The following TTC8 variants were observed in gnomAD, a reference collection of about 807,000 sequenced individuals.
TTC8 encodes tetratricopeptide repeat domain 8.
TTC8 carries 47 observed loss-of-function variants against 72.5 expected under a neutral mutation model. The observed-to-expected ratio is 0.65, with a 90% CI of 0.51 to 0.83. The LOEUF (loss-of-function observed/expected upper bound fraction) is 0.83, where lower values mean the gene tolerates loss of function less well. Ranked by LOEUF, TTC8 falls within the 40% of genes least tolerant of loss-of-function variation. The pLI is 0.00. For missense variants in TTC8, 611 were observed against 623.2 expected (o/e 0.98, Z 0.21); for synonymous variants, 199 against 221.4 (o/e 0.90, Z 0.90).
chr14:88,846,220 C>T (rs2094805743), intron 7 of TTC8, among the ~76,000 whole-genome samples: 1 of 151,934 alleles, frequency 6.6e-6, no homozygotes, highest in Admixed American at 6.6e-5. Context: ...GAGCTGTAGT[C>T]CCAGCTACTC....
intron 14 of TTC8, among the ~76,000 whole-genome samples, chr14:88,876,167 CTTAG>C (rs1566862755): frequency 6.6e-6 from 1 of 152,164 alleles, no homozygotes; most frequent in Non-Finnish European, 1.5e-5. Flanking sequence ...TGTGCTACTG[CTTAG>C]TTAGTTAAAC....
chr14:88,879,307 T>G (rs1238449167), downstream of TTC8: 2 of 152,176 alleles, frequency 1.3e-5, no homozygotes, highest in Admixed American at 1.3e-4. Flanking sequence ...TGTGCCAACA[T>G]TTCTGTAGAA....
intron 7 of TTC8, among the ~76,000 whole-genome samples, chr14:88,848,234 T>TAAGCAC (rs911542491): frequency 1.2e-4 from 17 of 142,812 alleles, no homozygotes; most frequent in Middle Eastern, 3.9e-3. Context: ...TGCTGGTAAA[T>TAAGCAC]AAGCACATTA....
chr14:88,852,109 A>C (rs1360286293), intron 7 of TTC8, among the ~76,000 whole-genome samples: 1 of 152,222 alleles, frequency 6.6e-6, no homozygotes, highest in Non-Finnish European at 1.5e-5. Context: ...TATTACAAAA[A>C]ATCAGAATTC....
intron 7 of TTC8, among the ~76,000 whole-genome samples, chr14:88,845,016 T>TA (rs1197664986): frequency 2.6e-5 from 4 of 152,266 alleles, no homozygotes; most frequent in Middle Eastern, 3.4e-3. Flanking sequence ...GTGAAGTTGT[T>TA]ACCAAGTAGG....
chr14:88,873,659 C>T (rs900465941), intron 13 of TTC8, among the ~76,000 whole-genome samples: 7 of 152,118 alleles, frequency 4.6e-5, no homozygotes, highest in African/African-American at 1.7e-4. Flanking sequence ...TTAGATCATG[C>T]ACTTGGCATA....
chr14:88,861,308 C>T lies in TTC8; in HGVS notation c.885C>T (p.Leu295=), dbSNP rs1052480994. ...AGTTTCCAGGAGAAGTAACCCTGCT[C>T]TGTGGAATTGCAAGAATCTATGAGG... ...LDKFPGEVTL[L]CGIARIYEEM... Residue 295 remains leucine, a synonymous_variant, in exon 10 of 15, where the codon CTC becomes CTT. Coordinates refer to ENST00000380656, the MANE Select transcript of TTC8 (RefSeq NM_144596.4). 6.2e-7 allele frequency: 1 copy of T among 1,611,296 alleles called. No homozygotes were observed. The highest frequency in any genetic ancestry group is 1.3e-5 in the African/African-American group (1 of 74,804).
chr14:88,864,768 T>G (rs947296352), intron 10 of TTC8, among the ~76,000 whole-genome samples: 1 of 152,186 alleles, frequency 6.6e-6, no homozygotes, highest in South Asian at 2.1e-4. Context: ...CATAGCTAAT[T>G]TCCGTTATGT....
intron 11 of TTC8, among the ~76,000 whole-genome samples, chr14:88,870,416 C>A (rs1459236987): frequency 6.6e-6 from 1 of 152,208 alleles, no homozygotes; most frequent in African/African-American, 2.4e-5. Flanking sequence ...GGACAACTGA[C>A]TGAGTTTTAA....
At chr14:88,876,111 G>T (rs143134944) in intron 14 of TTC8, among the ~76,000 whole-genome samples, 37 of 152,298 alleles carry the variant, frequency 2.4e-4, no homozygotes, top group Non-Finnish European at 4.3e-4. Context: ...GCAGATTTCA[G>T]ATTCACACCC....
In TTC8 at chr14:88,833,720, C is replaced by G. The variant is rs769590117; in HGVS notation, c.142C>G (p.Gln48Glu). 1.9e-6 allele frequency: 3 copies of G among 1,613,328 alleles called. No individual in the cohort carries two copies. Among genetic ancestry groups the G allele is most frequent in the Non-Finnish European group, 2.5e-6 (3 of 1,179,576 alleles). Residue 48 changes from glutamine (Q) to glutamate (E), a missense_variant and splice_region_variant, in exon 2 of 15, where the codon CAG becomes GAG. Physicochemically the swap from Gln to Glu is conservative, Grantham distance 29. Transcript: ENST00000380656. ...ACCAGATCCTGAATTGCCAGTGCAT[C>G]AGGTAAAGAAAGGTTTAGCTGCAAC... ...QEPDPELPVH[Q>E]AAWILKARAL...
chr14:88,828,153 A>G (rs1164430783), intron 1 of TTC8, among the ~76,000 whole-genome samples: 1 of 152,060 alleles, frequency 6.6e-6, no homozygotes, highest in Non-Finnish European at 1.5e-5. Flanking sequence ...TAATTTCATT[A>G]TGGGCATTCT....
Position 88,877,475 on chromosome 14 carries a change from C to A in TTC8, c.*65C>A. On this transcript the variant is annotated 3_prime_UTR_variant, in exon 15 of 15. Transcript: ENST00000380656. ...ATGCAAGGGGAAAAAAGCACTATGT[C>A]TGTGTATGTATGTATATAGTGTAAT... 1 of 1,271,006 alleles carries A rather than the reference C, an allele frequency of 7.9e-7. No individual in the cohort carries two copies. Among genetic ancestry groups the A allele is most frequent in the South Asian group, 1.2e-5 (1 of 83,894 alleles). 78.7% of individuals were successfully genotyped at this position (1,271,006 alleles called of 1,614,324 possible). A position where few individuals can be genotyped will look rare whatever the true frequency, so the allele number is the denominator to read the frequency against.
intron 9 of TTC8, among the ~76,000 whole-genome samples, chr14:88,859,954 GTAATA>G (rs1430821511): frequency 1.2e-4 from 15 of 121,044 alleles, no homozygotes; most frequent in East Asian, 1.1e-3. Context: ...ACTATATATA[GTAATA>G]TAATATAAAT....
In TTC8 at chr14:88,855,684, A is replaced by T. The variant is rs72697967; in HGVS notation, c.711-1506A>T. ...GTATCTTTTTATTGTAATCCCTTTT[A>T]AATCATTTTTGGAAAGAAACAAGTT... On this transcript the variant is annotated intron_variant, in intron 8 of 14. Transcript: ENST00000380656. 1.2e-3 allele frequency among the ~76,000 whole-genome samples: 182 copies of T among 152,224 alleles called. 1 individual carries two copies. In the Middle Eastern group the frequency reaches 0.014, roughly 11 times the overall value.
intron 8 of TTC8, among the ~76,000 whole-genome samples, chr14:88,854,246 T>C (rs2094846208): frequency 6.6e-6 from 1 of 152,210 alleles, no homozygotes; most frequent in African/African-American, 2.4e-5. Context: ...AAAGCAAAAC[T>C]CTGATTCCTT....
At chr14:88,875,200 C>G (rs544715557) in intron 14 of TTC8, 91 bp downstream of exon 14, 1 of 1,071,138 alleles carries the variant, frequency 9.3e-7, no homozygotes, top group African/African-American at 1.6e-5. Flanking sequence ...AAATTCTAAC[C>G]TCATCTTCCT....
At chr14:88,865,188 C>T (rs2094904571) in intron 10 of TTC8, among the ~76,000 whole-genome samples, 1 of 151,988 alleles carries the variant, frequency 6.6e-6, no homozygotes, top group African/African-American at 2.4e-5. Flanking sequence ...AAAACCTTAC[C>T]CTGGAAATGT....
At chr14:88,846,630 A>G (rs768474475) in intron 7 of TTC8, 1 of 1,472,430 alleles carries the variant, frequency 6.8e-7, no homozygotes, top group South Asian at 1.2e-5. Context: ...TACATCTTGG[A>G]ATTTACCCAT....
Sources: gnomAD v4.1 joint callset for allele counts (sites outside exome capture counted in the v4.1 genomes callset) on GRCh38, gnomAD v4.1.1 for gene constraint, MANE v1.5 for transcripts, NCBI Gene and HGNC (gene_info 2026-07-23, HGNC 2026-07-21) for gene names.